The following SCFD2 variants were observed in gnomAD, a reference collection of about 807,000 sequenced individuals.
SCFD2 encodes sec1 family domain-containing protein 2.
Under a neutral mutation model 58.9 loss-of-function variants are expected in SCFD2, and 54 were observed. That is an observed-to-expected ratio of 0.92 (90% CI 0.74 to 1.15). The LOEUF (loss-of-function observed/expected upper bound fraction) is 1.15. Among genes scored for constraint, SCFD2 ranks in the 50% most tolerant of loss-of-function variants. The pLI is 0.00. For missense variants in SCFD2, 805 were observed against 836.6 expected (o/e 0.96, Z 0.47); for synonymous variants, 321 against 335.9 (o/e 0.96, Z 0.49).
chr4:53,018,081 T>C (rs1696663857), intron 5 of SCFD2, among the ~76,000 whole-genome samples: 1 of 152,222 alleles, frequency 6.6e-6, no homozygotes, highest in African/African-American at 2.4e-5. Context: ...GTTTGTTGTC[T>C]TCCCATACCA....
intron 4 of SCFD2, among the ~76,000 whole-genome samples, chr4:53,166,617 A>G (rs560683150): frequency 1.3e-5 from 2 of 152,336 alleles, no homozygotes; most frequent in African/African-American, 4.8e-5. Flanking sequence ...AAGCTAGTGA[A>G]AATGAGGAAG....
At chr4:52,953,894 A>C (rs1720654692) in intron 5 of SCFD2, among the ~76,000 whole-genome samples, 1 of 152,228 alleles carries the variant, frequency 6.6e-6, no homozygotes, top group Admixed American at 6.5e-5. Flanking sequence ...TTGTTTGGTC[A>C]AACACCATTT....
intron 5 of SCFD2, among the ~76,000 whole-genome samples, chr4:52,929,376 A>G (rs549871979): frequency 5.9e-5 from 9 of 152,346 alleles, no homozygotes; most frequent in Non-Finnish European, 1.0e-4. Context: ...CAGTTGCACT[A>G]CTTTCTAAAG....
chr4:52,993,549 G>A (rs528885468), intron 5 of SCFD2, among the ~76,000 whole-genome samples: 10 of 152,142 alleles, frequency 6.6e-5, no homozygotes, highest in Admixed American at 2.0e-4. Flanking sequence ...GTGTTTGCAG[G>A]TTCCATGTAA....
chr4:53,087,807 C>T (rs1265468377), intron 5 of SCFD2, among the ~76,000 whole-genome samples: 3 of 151,716 alleles, frequency 2.0e-5, no homozygotes, highest in Non-Finnish European at 4.4e-5. Context: ...ATTACAGGCA[C>T]CCACCACCGT....
chr4:52,881,897 C>T (rs1263789402), intron 8 of SCFD2, among the ~76,000 whole-genome samples: 2 of 152,000 alleles, frequency 1.3e-5, no homozygotes, highest in Non-Finnish European at 2.9e-5. Context: ...GCTGAGAATA[C>T]AATAGTTGAG....
intron 5 of SCFD2, among the ~76,000 whole-genome samples, chr4:53,049,032 G>T (rs1020056061): frequency 6.6e-6 from 1 of 152,166 alleles, no homozygotes; most frequent in Non-Finnish European, 1.5e-5. Flanking sequence ...TAAATCAGAT[G>T]AACAGTGTGT....
intron 4 of SCFD2, among the ~76,000 whole-genome samples, chr4:53,225,493 C>T (rs1440246133): frequency 6.6e-6 from 1 of 152,134 alleles, no homozygotes; most frequent in African/African-American, 2.4e-5. Context: ...ATGTAATATA[C>T]ATCAATCTTT....
chr4:52,913,000 T>A (rs1027305579), intron 6 of SCFD2, among the ~76,000 whole-genome samples: 22 of 152,236 alleles, frequency 1.4e-4, no homozygotes, highest in African/African-American at 5.1e-4. Flanking sequence ...AATTTAGTTT[T>A]CCTAATCAAA....
At chr4:53,321,616 T>G (rs776746132) in intron 2 of SCFD2, among the ~76,000 whole-genome samples, 1 of 152,072 alleles carries the variant, frequency 6.6e-6, no homozygotes. Context: ...GCAAGCTGAG[T>G]CATAGTTTTT....
chr4:53,238,461 C>G (rs1426700391), intron 4 of SCFD2, among the ~76,000 whole-genome samples: 2 of 149,824 alleles, frequency 1.3e-5, no homozygotes, highest in Admixed American at 6.6e-5. Context: ...CTGACCCCCC[C>G]ACCTCCCTCC....
At chr4:53,317,731 A>C (rs1295748768) in intron 2 of SCFD2, among the ~76,000 whole-genome samples, 1 of 152,088 alleles carries the variant, frequency 6.6e-6, no homozygotes, top group Non-Finnish European at 1.5e-5. Flanking sequence ...CAAACAACAC[A>C]AGGTGCCATT....
At chr4:53,281,233 C>A (rs977836747) in intron 3 of SCFD2, among the ~76,000 whole-genome samples, 12 of 152,098 alleles carry the variant, frequency 7.9e-5, no homozygotes, top group Non-Finnish European at 8.8e-5. Context: ...TTTAGCATGC[C>A]TTTTTAACTG....
At chr4:53,337,232 G>A (rs1244936519) in intron 2 of SCFD2, among the ~76,000 whole-genome samples, 1 of 152,194 alleles carries the variant, frequency 6.6e-6, no homozygotes, top group Non-Finnish European at 1.5e-5. Context: ...CATCCTCTGT[G>A]CATGCATGTG....
At chr4:53,266,608 T>C (rs911475674) in intron 4 of SCFD2, among the ~76,000 whole-genome samples, 9 of 152,232 alleles carry the variant, frequency 5.9e-5, no homozygotes, top group African/African-American at 2.2e-4. Context: ...TTAAATGAAT[T>C]TGTACTTTAA....
intron 4 of SCFD2, among the ~76,000 whole-genome samples, chr4:53,194,745 C>A (rs540120332): frequency 1.3e-4 from 20 of 152,176 alleles, no homozygotes; most frequent in Non-Finnish European, 2.6e-4. Context: ...GCCTCCTAAA[C>A]CAAAGATTTC....
intron 5 of SCFD2, among the ~76,000 whole-genome samples, chr4:53,084,466 A>C (rs1233094743): frequency 6.6e-6 from 1 of 152,180 alleles, no homozygotes; most frequent in Non-Finnish European, 1.5e-5. Context: ...TTTTACAATC[A>C]GTTTGTACAG....
chr4:52,897,332 T>G (rs1315103007), intron 7 of SCFD2, among the ~76,000 whole-genome samples: 1 of 152,258 alleles, frequency 6.6e-6, no homozygotes, highest in Non-Finnish European at 1.5e-5. Flanking sequence ...AAACGTCCCA[T>G]CAATACCTAA....
At chr4:52,921,005 C>G (rs1281926625) in intron 5 of SCFD2, 135 bp from the exon 6 acceptor site, 4 of 435,358 alleles carry the variant, frequency 9.2e-6, no homozygotes, top group Non-Finnish European at 1.5e-5. Context: ...TATTTTTTAC[C>G]CTGTTTTCCT....
Sources: allele counts gnomAD v4.1 joint callset (sites outside exome capture counted in the v4.1 genomes callset), GRCh38; gene constraint gnomAD v4.1.1; transcripts MANE v1.5; gene names NCBI Gene and HGNC (gene_info 2026-07-23, HGNC 2026-07-21).